The following CHAF1A variants were observed in gnomAD, a reference collection of about 807,000 sequenced individuals.
The protein encoded by CHAF1A is CAF-1 subunit A.
A neutral mutation model predicts 93.2 loss-of-function variants in CHAF1A; 5 were observed. The observed-to-expected ratio is 0.05, with a 90% CI of 0.03 to 0.11. CHAF1A has a LOEUF of 0.11. CHAF1A is among the 10% of genes least tolerant of loss of function. The probability of loss-of-function intolerance (pLI) is 1.00; values close to 1 mark genes in which losing one functional copy is unlikely to be tolerated. For synonymous variants in CHAF1A, 504 were observed against 510.3 expected, an observed-to-expected ratio of 0.99 and a Z score of 0.17; for missense variants, 1,102 against 1,259.9, an observed-to-expected ratio of 0.87 and a Z score of 1.90.
At chr19:4,446,006 C>A (rs369043795), downstream of CHAF1A, 16 of 1,563,054 alleles carry the variant, frequency 1.0e-5, no homozygotes, top group Non-Finnish European at 1.2e-5. Context: ...GGAGAACCTG[C>A]AGAGGCATCG....
At chr19:4,403,148 G>A (rs1453055522) in intron 1 of CHAF1A, among the ~76,000 whole-genome samples, 2 of 152,176 alleles carry the variant, frequency 1.3e-5, no homozygotes, top group Non-Finnish European at 2.9e-5. Context: ...CAGGTTACTG[G>A]ATGCGTTTGT....
chr19:4,424,167 A>C (rs1974039786), intron 7 of CHAF1A, among the ~76,000 whole-genome samples: 1 of 152,208 alleles, frequency 6.6e-6, no homozygotes, highest in Non-Finnish European at 1.5e-5. Context: ...TACCCTTGGG[A>C]AACTTAGGCT....
rs1484233350 is a variant in CHAF1A at position 4,409,545 on chromosome 19, G to C, written c.746G>C (p.Arg249Thr). 3.1e-6 allele frequency: 5 copies of C among 1,613,938 alleles called. No homozygotes were observed. In the African/African-American group the frequency reaches 6.7e-5, roughly 22 times the overall value. The part of the protein sequence containing the change: ...MVVLQDILAV[R>T]PPQIKSLPAT... Reference sequence around the variant, plus strand: ...GTCTTGCAGGACATCTTGGCTGTGAGACCACCGCAAATCAAGTCCCTTCCA... The same window carrying C: ...GTCTTGCAGGACATCTTGGCTGTGACACCACCGCAAATCAAGTCCCTTCCA... Residue 249 changes from arginine to threonine, a missense_variant, in exon 3 of 15, where the codon AGA (arginine) becomes ACA (threonine). Arg to Thr is a moderately conservative substitution (Grantham distance 71, BLOSUM62 -1). Transcript: ENST00000301280.
chr19:4,448,785 C>T (rs1202109127), downstream of CHAF1A: 9 of 253,968 alleles, frequency 3.5e-5, no homozygotes, highest in Non-Finnish European at 7.0e-5. Context: ...CTCCCGCCAC[C>T]ATGGACGCCC....
chr19:4,427,437 A>G (rs893904535), intron 7 of CHAF1A, among the ~76,000 whole-genome samples: 9 of 136,340 alleles, frequency 6.6e-5, no homozygotes, highest in Non-Finnish European at 1.1e-4. Flanking sequence ...GGTTCAAGCA[A>G]TTCTCCTGCC....
chr19:4,417,478 T>A (rs1030673247), intron 3 of CHAF1A, among the ~76,000 whole-genome samples: 2 of 131,482 alleles, frequency 1.5e-5, no homozygotes, highest in East Asian at 2.6e-4. Flanking sequence ...TTTTTTTTTT[T>A]AAGACAGAGT....
chr19:4,410,970 G>T (rs991470403), intron 3 of CHAF1A, among the ~76,000 whole-genome samples: 1 of 152,170 alleles, frequency 6.6e-6, no homozygotes, highest in African/African-American at 2.4e-5. Flanking sequence ...AATCAGTCAC[G>T]AGTCCCACGG....
downstream of CHAF1A, chr19:4,445,754 G>A (rs1023111336): frequency 1.4e-5 from 20 of 1,431,470 alleles, no homozygotes; most frequent in South Asian, 8.1e-5. Flanking sequence ...GCTGTGGCTC[G>A]CACCCAGGCC....
downstream of CHAF1A, chr19:4,443,520 C>T (rs1310826739): frequency 6.1e-6 from 1 of 164,958 alleles, no homozygotes; most frequent in Non-Finnish European, 1.3e-5. Flanking sequence ...AGCACCGTCC[C>T]ATCTGTTTGT....
chr19:4,434,817 C>T (rs529577648), intron 13 of CHAF1A, among the ~76,000 whole-genome samples: 157 of 152,278 alleles, frequency 1.0e-3, no homozygotes, highest in South Asian at 9.5e-3. Flanking sequence ...TGCAGAACAC[C>T]GCCCGGTGTA....
chr19:4,446,369 A>G (rs1229419926), downstream of CHAF1A: 6 of 1,574,988 alleles, frequency 3.8e-6, no homozygotes, highest in South Asian at 1.1e-5. Flanking sequence ...CTTCTCCCGC[A>G]TGGCCTTGGT....
intron 12 of CHAF1A, among the ~76,000 whole-genome samples, chr19:4,432,782 A>AG (rs982225517): frequency 1.1e-4 from 17 of 151,762 alleles, no homozygotes; most frequent in African/African-American, 3.9e-4. Context: ...AACTCAAAAA[A>AG]CTGGGGAGGG....
rs768975055 is a variant in CHAF1A at position 4,409,598 on chromosome 19, C to G, written c.799C>G (p.Pro267Ala). The G allele has an allele frequency of 3.2e-5, 51 of 1,613,994 alleles. No individual in the cohort carries two copies. Among genetic ancestry groups the G allele is most frequent in the Non-Finnish European group, 4.0e-5 (47 of 1,180,022 alleles). ...PATPQGKNMT[P>A]ESEVLESFPE... The stretch of plus-strand genomic sequence containing the variant: ...CACACCCCAAGGCAAGAACATGACC[C>G]CTGAGAGTGAGGTGCTGGAATCTTT... Residue 267 changes from proline (P) to alanine (A), a missense_variant, in exon 3 of 15, where the codon CCT becomes GCT. This residue lies in a region of CHAF1A where 379 missense variants were observed against 365.7 expected (regional missense o/e 1.04). Coordinates refer to ENST00000301280, the MANE Select transcript of CHAF1A (RefSeq NM_005483.3).
At position 4,422,750 on chromosome 19, in the gene CHAF1A, A is replaced by G; in HGVS notation, c.1202A>G (p.Gln401Arg). 2 of 1,613,158 alleles carry G rather than the reference A, an allele frequency of 1.2e-6. No individual in the cohort carries two copies. Among genetic ancestry groups the G allele is most frequent in the Non-Finnish European group, 1.7e-6 (2 of 1,179,874 alleles). The change falls in exon 5 of 15, where the codon CAG becomes CGG. Residue 401 changes from glutamine to arginine, a missense_variant. This residue lies in a region of CHAF1A where 165 missense variants were observed against 243.9 expected (regional missense o/e 0.68). Transcript: ENST00000301280. This position sits in a 1 kb window ranked among gnomAD's most constrained non-coding sequence, Gnocchi z 4.6. ...GATGAGAAGGAGAAGGCGGAGAAGCAGCGGCTCAAGGAGGAGCGGCGCAAG... is the reference window on the plus strand; with the variant it reads ...GATGAGAAGGAGAAGGCGGAGAAGCGGCGGCTCAAGGAGGAGCGGCGCAAG... Reference protein sequence around the residue: ...EKDEKEKAEKQRLKEERRKER... With the variant: ...EKDEKEKAEKRRLKEERRKER...
chr19:4,447,326 G>T (rs1205571264), downstream of CHAF1A: 3 of 589,884 alleles, frequency 5.1e-6, no homozygotes, highest in Non-Finnish European at 6.1e-6. Flanking sequence ...AAGGATGCAG[G>T]TGAGGAGAGG....
intron 4 of CHAF1A, 66 bp downstream of exon 4, chr19:4,418,142 G>A: frequency 9.3e-7 from 1 of 1,080,256 alleles, no homozygotes; most frequent in South Asian, 1.4e-5. Context: ...AGTAAGCAAA[G>A]CCCTTTGAAG....
chr19:4,414,650 C>G (rs970028731), intron 3 of CHAF1A, among the ~76,000 whole-genome samples: 1 of 152,142 alleles, frequency 6.6e-6, no homozygotes, highest in Admixed American at 6.6e-5. Flanking sequence ...CTCTTTTTAA[C>G]AGCTGCGTGA....
intron 13 of CHAF1A, among the ~76,000 whole-genome samples, chr19:4,437,898 C>A (rs1974314436): frequency 1.3e-5 from 2 of 152,198 alleles, no homozygotes; most frequent in South Asian, 4.1e-4. Context: ...CACCACCACG[C>A]CCAGCTAATT....
At chr19:4,449,205 C>T (rs1357339900), downstream of CHAF1A, 1 of 153,138 alleles carries the variant, frequency 6.5e-6, no homozygotes, top group Non-Finnish European at 1.5e-5. Flanking sequence ...GAGAGCCACC[C>T]ATGGCCTGGG....
Sources: allele counts gnomAD v4.1 joint callset (sites outside exome capture counted in the v4.1 genomes callset), GRCh38; gene constraint gnomAD v4.1.1; regional missense constraint gnomAD v4.1.1; non-coding constraint Gnocchi (gnomAD v3.1); transcripts MANE v1.5; gene names NCBI Gene and HGNC (gene_info 2026-07-23, HGNC 2026-07-21).